CNTN4: variants seen among roughly 807,000 people sequenced by gnomAD.
CNTN4 encodes the protein contactin-4.
In CNTN4, 77 loss-of-function variants were observed where a neutral mutation model predicts 122.5. That is an observed-to-expected ratio of 0.63 (90% CI 0.52 to 0.76). CNTN4 has a LOEUF of 0.76. Among genes scored for constraint, CNTN4 ranks in the 30% least tolerant of loss-of-function variants. The pLI, the probability that CNTN4 is intolerant of heterozygous loss-of-function variation, is 0.00. For missense variants in CNTN4, 1,256 were observed against 1,259.1 expected, an observed-to-expected ratio of 1.00 and a Z score of 0.04; for synonymous variants, 512 against 447.0, an observed-to-expected ratio of 1.15 and a Z score of -1.83.
chr3:2,739,531 T>C (rs1444066104), intron 5 of CNTN4, among the ~76,000 whole-genome samples: 1 of 152,174 alleles, frequency 6.6e-6, no homozygotes, highest in Non-Finnish European at 1.5e-5. Context: ...AAATGCATAG[T>C]ATGTAATTTC....
chr3:2,565,345 C>G (rs1348491239), intron 3 of CNTN4, among the ~76,000 whole-genome samples: 1 of 152,116 alleles, frequency 6.6e-6, no homozygotes, highest in Non-Finnish European at 1.5e-5. Context: ...ACTGCAATCT[C>G]CAGTCAAGTT....
At chr3:2,801,931 G>A (rs2092357715) in intron 6 of CNTN4, among the ~76,000 whole-genome samples, 1 of 152,066 alleles carries the variant, frequency 6.6e-6, no homozygotes, top group Admixed American at 6.5e-5. Flanking sequence ...AATCAAATGA[G>A]TTATTAGTAA....
chr3:2,681,633 G>A (rs930018486), intron 4 of CNTN4, among the ~76,000 whole-genome samples: 6 of 151,946 alleles, frequency 3.9e-5, no homozygotes, highest in African/African-American at 7.2e-5. Flanking sequence ...CACCCCTTAC[G>A]TATGTATACA....
intron 3 of CNTN4, among the ~76,000 whole-genome samples, chr3:2,514,980 C>T (rs1452519821): frequency 1.3e-5 from 2 of 151,764 alleles, no homozygotes; most frequent in Admixed American, 6.6e-5. Flanking sequence ...CCCTGTCTGT[C>T]CCGTTCCCTG....
chr3:3,010,669 A>G (rs17024657), intron 14 of CNTN4, among the ~76,000 whole-genome samples: 11,564 of 152,220 alleles, frequency 0.076, 526 homozygotes, highest in Middle Eastern at 0.19. Flanking sequence ...ATTATGTACT[A>G]TATAGCCAAA....
chr3:2,981,931 G>A (rs1694060247), intron 13 of CNTN4, among the ~76,000 whole-genome samples: 2 of 151,988 alleles, frequency 1.3e-5, no homozygotes. Flanking sequence ...CTAGCTATCA[G>A]GGAGGCTGAG....
At chr3:2,323,850 G>A (rs1483028008) in intron 2 of CNTN4, among the ~76,000 whole-genome samples, 1 of 152,080 alleles carries the variant, frequency 6.6e-6, no homozygotes, top group Non-Finnish European at 1.5e-5. Flanking sequence ...GTTTAGTACT[G>A]GGCTCTATAA....
In CNTN4 at chr3:2,654,236, G is replaced by A. The variant is rs188509911; in HGVS notation, c.56-81979G>A. Among the ~76,000 whole-genome samples, 64 of 152,310 alleles carry A rather than the reference G, an allele frequency of 4.2e-4. No homozygotes were observed. In the East Asian group the frequency reaches 8.3e-3, roughly 20 times the overall value. ...GAGTTTTTTTGACCACCTTGGCAAT[G>A]GCCAGTTGTTTCTTTCCATGGCCAG... On this transcript the variant is annotated intron_variant, in intron 4 of 24. Transcript: ENST00000418658.
chr3:2,166,820 T>C (rs1024751961), intron 2 of CNTN4, among the ~76,000 whole-genome samples: 3 of 152,138 alleles, frequency 2.0e-5, no homozygotes, highest in African/African-American at 7.2e-5. Context: ...TATGCTTATA[T>C]ATTTAAAGAT....
At chr3:2,782,193 A>G (rs1478948174) in intron 6 of CNTN4, among the ~76,000 whole-genome samples, 4 of 151,736 alleles carry the variant, frequency 2.6e-5, no homozygotes, top group Admixed American at 2.6e-4. Context: ...GAGTATAAAG[A>G]GGCATGTCTG....
At chr3:2,145,575 C>A (rs923750979) in intron 2 of CNTN4, among the ~76,000 whole-genome samples, 2 of 152,120 alleles carry the variant, frequency 1.3e-5, no homozygotes, top group African/African-American at 4.8e-5. Context: ...TGGGAAAAAT[C>A]AGGAATAAGA....
chr3:2,518,243 G>T (rs1451781633), intron 3 of CNTN4, among the ~76,000 whole-genome samples: 1 of 151,464 alleles, frequency 6.6e-6, no homozygotes, highest in Non-Finnish European at 1.5e-5. Flanking sequence ...GTGCACACAC[G>T]CACATGCACG....
At chr3:2,133,434 A>G (rs2034542740) in intron 2 of CNTN4, among the ~76,000 whole-genome samples, 1 of 152,218 alleles carries the variant, frequency 6.6e-6, no homozygotes, top group Non-Finnish European at 1.5e-5. Flanking sequence ...GGACTAGAAT[A>G]AGATAATGAT....
chr3:2,542,068 G>A (rs952539961), intron 3 of CNTN4, among the ~76,000 whole-genome samples: 1 of 152,086 alleles, frequency 6.6e-6, no homozygotes, highest in Admixed American at 6.6e-5. Context: ...ATCTACCTTT[G>A]GGTCAGTAGC....
chr3:2,745,302 A>G (rs528005075), intron 5 of CNTN4, among the ~76,000 whole-genome samples: 12 of 152,318 alleles, frequency 7.9e-5, no homozygotes, highest in Middle Eastern at 3.4e-3. Flanking sequence ...ATATTAAAAA[A>G]ATTTTAATAT....
chr3:2,897,208 A>G (rs1443546624), intron 10 of CNTN4, among the ~76,000 whole-genome samples: 1 of 152,174 alleles, frequency 6.6e-6, no homozygotes, highest in Non-Finnish European at 1.5e-5. Flanking sequence ...AAAGATTGAA[A>G]TGAAGAGATT....
intron 10 of CNTN4, among the ~76,000 whole-genome samples, chr3:2,900,249 C>T (rs1007457151): frequency 1.3e-5 from 2 of 152,148 alleles, no homozygotes; most frequent in Non-Finnish European, 2.9e-5. Flanking sequence ...CACTTTCACA[C>T]ACATACAGTT....
chr3:2,294,630 A>AAAC (rs965942108), intron 2 of CNTN4, among the ~76,000 whole-genome samples: 2 of 152,250 alleles, frequency 1.3e-5, no homozygotes, highest in South Asian at 2.1e-4. Context: ...CCTGTTTCAA[A>AAAC]AACAACAACA....
chr3:2,367,225 A>G (rs2045426549), intron 3 of CNTN4, among the ~76,000 whole-genome samples: 1 of 152,244 alleles, frequency 6.6e-6, no homozygotes, highest in Non-Finnish European at 1.5e-5. Flanking sequence ...CTGGACCTCT[A>G]AAAGTGAACT....
Sources: allele counts gnomAD v4.1 joint callset (sites outside exome capture counted in the v4.1 genomes callset), GRCh38; gene constraint gnomAD v4.1.1; transcripts MANE v1.5; gene names NCBI Gene and HGNC (gene_info 2026-07-23, HGNC 2026-07-21).